The following DMD variants were observed in gnomAD, a reference collection of about 807,000 sequenced individuals.
DMD encodes dystrophin.
A neutral mutation model predicts 330.1 loss-of-function variants in DMD; 63 were observed. The observed-to-expected ratio is 0.19, with a 90% CI of 0.16 to 0.24. The LOEUF (loss-of-function observed/expected upper bound fraction) is 0.24. Among genes scored for constraint, DMD ranks in the 10% least tolerant of loss-of-function variants. The pLI is 1.00. For synonymous variants in DMD, 1,223 were observed against 959.8 expected (o/e 1.27, Z -5.07); for missense variants, 3,344 against 2,684.1 (o/e 1.25, Z -5.43).
chrX:33,320,096 C>T (rs1327827343), intron 1 of DMD, among the ~76,000 whole-genome samples: 1 of 111,129 alleles, frequency 9.0e-6, no homozygotes, highest in East Asian at 2.8e-4. Context: ...AGCAGTCAGA[C>T]AGGGCAATAA....
intron 44 of DMD, among the ~76,000 whole-genome samples, chrX:32,023,697 A>T (rs752908418): frequency 6.9e-4 from 77 of 111,852 alleles, no homozygotes; most frequent in African/African-American, 2.2e-3. Context: ...CTAGGTGCCC[A>T]TTAATGGTGG....
intron 18 of DMD, chrX:32,516,543 C>T (rs1469352824): frequency 9.0e-6 from 1 of 111,475 alleles, no homozygotes; most frequent in Non-Finnish European, 1.9e-5. Flanking sequence ...CTCAATTTTC[C>T]TGCCTGATCA....
At chrX:32,171,466 T>C (rs1286846690) in intron 44 of DMD, among the ~76,000 whole-genome samples, 1 of 111,836 alleles carries the variant, frequency 8.9e-6, no homozygotes, top group Non-Finnish European at 1.9e-5. Flanking sequence ...AATGCTTCTG[T>C]TGCTAATTTT....
intron 44 of DMD, among the ~76,000 whole-genome samples, chrX:32,063,009 GATA>G (rs1312642687): frequency 9.0e-6 from 1 of 111,068 alleles, no homozygotes; most frequent in African/African-American, 3.3e-5. Context: ...CAAAGCTTGA[GATA>G]ATGTTTTAAT....
At chrX:32,961,170 G>T (rs1466028325) in intron 2 of DMD, among the ~76,000 whole-genome samples, 2 of 110,835 alleles carry the variant, frequency 1.8e-5, no homozygotes, top group African/African-American at 6.6e-5. Flanking sequence ...CTTGGTTTCT[G>T]GCTTTTGTTG....
At chrX:32,723,739 T>C (rs1484089670) in intron 7 of DMD, among the ~76,000 whole-genome samples, 1 of 111,074 alleles carries the variant, frequency 9.0e-6, no homozygotes, top group East Asian at 2.8e-4. Flanking sequence ...CATTTCATTA[T>C]GTCTATGTAT....
chrX:33,066,643 C>A (rs1367529721), intron 1 of DMD, among the ~76,000 whole-genome samples: 1 of 109,605 alleles, frequency 9.1e-6, no homozygotes, highest in Non-Finnish European at 1.9e-5. Flanking sequence ...ACTAAAAGGC[C>A]TATAGAGGAT....
chrX:32,255,609 TA>T (rs1453618963), intron 43 of DMD, among the ~76,000 whole-genome samples: 1 of 112,159 alleles, frequency 8.9e-6, no homozygotes, highest in Non-Finnish European at 1.9e-5. Context: ...TTCAAACAGT[TA>T]AAAGACCTTT....
At chrX:31,680,742 G>A (rs1226871774) in intron 52 of DMD, among the ~76,000 whole-genome samples, 1 of 110,986 alleles carries the variant, frequency 9.0e-6, no homozygotes, top group African/African-American at 3.3e-5. Context: ...CTTATATTGA[G>A]GCTATCACTG....
intron 7 of DMD, among the ~76,000 whole-genome samples, chrX:32,796,414 T>A: frequency 8.9e-6 from 1 of 111,796 alleles, no homozygotes; most frequent in Middle Eastern, 4.6e-3. Context: ...AAAAAAGTTG[T>A]TCTCATGGAA....
chrX:32,789,640 C>A (rs187845429), intron 7 of DMD, among the ~76,000 whole-genome samples: 243 of 112,035 alleles, frequency 2.2e-3, no homozygotes, highest in Middle Eastern at 0.014. Flanking sequence ...TATCTATTGG[C>A]TGTGTGATCT....
chrX:32,160,978 CT>C (rs1489994867), intron 44 of DMD, among the ~76,000 whole-genome samples: 1 of 111,486 alleles, frequency 9.0e-6, no homozygotes, highest in Non-Finnish European at 1.9e-5. Context: ...GAGTCTCTGT[CT>C]TTTTAATAAT....
chrX:32,868,545 C>T (rs2082702021), intron 2 of DMD, among the ~76,000 whole-genome samples: 1 of 112,326 alleles, frequency 8.9e-6, no homozygotes, highest in Non-Finnish European at 1.9e-5. Flanking sequence ...AGCTCCAGTC[C>T]ACCATTTTTC....
At position 32,417,447 on chromosome X, in the gene DMD, G is replaced by A. The variant is rs150538559; in HGVS notation, c.4072-5534C>T. 3.7e-3 allele frequency among the ~76,000 whole-genome samples: 418 copies of A among 111,518 alleles called. 2 individuals carry two copies. The highest frequency in any genetic ancestry group is 7.8e-3 in the Admixed American group (82 of 10,498). On this transcript the variant is annotated intron_variant, in intron 29 of 78. Coordinates refer to ENST00000357033, the MANE Select transcript of DMD (RefSeq NM_004006.3). The stretch of plus-strand genomic sequence containing the variant: ...TGATCACAGGGTCTGGGAGTCCAGA[G>A]TAGATAGGGATGACACCTAATTACC...
At position 33,004,998 on chromosome X, in the gene DMD, T is replaced by G. The variant is rs917877286; in HGVS notation, c.93+15141A>C. Among the ~76,000 whole-genome samples, 5 of 111,516 alleles carry G rather than the reference T, an allele frequency of 4.5e-5. No homozygotes were observed. In the Admixed American group the frequency reaches 4.8e-4, roughly 11 times the overall value. The stretch of plus-strand genomic sequence containing the variant: ...CTAAATTATTTTATTGGTATTTGTT[T>G]GTGTTCATATTTGTGTTTGTTAATA... On this transcript the variant is annotated intron_variant, in intron 2 of 78. Coordinates refer to ENST00000357033, the MANE Select transcript of DMD (RefSeq NM_004006.3).
chrX:31,220,534 C>T (rs999244014), intron 64 of DMD, among the ~76,000 whole-genome samples: 9 of 111,628 alleles, frequency 8.1e-5, no homozygotes, highest in Non-Finnish European at 1.7e-4. Context: ...TCCTTCTTTC[C>T]TCCTGGCCAT....
In DMD at chrX:32,438,282, G is replaced by A. The variant is rs187617705; in HGVS notation, c.4030C>T (p.Leu1344Phe). Residue 1344 changes from leucine to phenylalanine, a missense_variant, in exon 29 of 79, where the codon CTT becomes TTT. Coordinates refer to ENST00000357033, the MANE Select transcript of DMD (RefSeq NM_004006.3). ...CTCCAACGAGAATTAAATGTCTCAA[G>A]TTCCTCATTGATTAGCTCATCCATG... ...GVMDELINEE[L>F]ETFNSRWREL... 1.5e-5 allele frequency: 18 copies of A among 1,209,591 alleles called. No individual in the cohort carries two copies. In the East Asian group the frequency reaches 4.5e-4, roughly 30 times the overall value.
At chrX:32,301,544 A>T (rs189088312) in intron 42 of DMD, among the ~76,000 whole-genome samples, 68 of 111,168 alleles carry the variant, frequency 6.1e-4, no homozygotes, top group African/African-American at 2.1e-3. Flanking sequence ...ACCTTTTGAA[A>T]GACTTGACAA....
At chrX:32,169,200 A>G (rs147223482) in intron 44 of DMD, among the ~76,000 whole-genome samples, 1,836 of 112,153 alleles carry the variant, frequency 0.016, 37 homozygotes, top group African/African-American at 0.056. Flanking sequence ...AGCCTATGGG[A>G]TGGCCAAGTC....
Sources: gnomAD v4.1 joint callset for allele counts (sites outside exome capture counted in the v4.1 genomes callset) on GRCh38, gnomAD v4.1.1 for gene constraint, MANE v1.5 for transcripts, NCBI Gene and HGNC (gene_info 2026-07-23, HGNC 2026-07-21) for gene names.